SMAD4: variants seen among roughly 807,000 people sequenced by gnomAD.
The protein encoded by SMAD4 is MAD homolog 4.
A neutral mutation model predicts 63.2 loss-of-function variants in SMAD4; 7 were observed. That is an observed-to-expected ratio of 0.11 (90% CI 0.06 to 0.21). The LOEUF (loss-of-function observed/expected upper bound fraction) is 0.21, where lower values mean the gene tolerates loss of function less well. Ranked by LOEUF, SMAD4 falls within the 10% of genes least tolerant of loss-of-function variation. The pLI, the probability that SMAD4 is intolerant of heterozygous loss-of-function variation, is 1.00. For missense variants in SMAD4, 312 were observed against 693.8 expected (o/e 0.45, Z 6.18); for synonymous variants, 215 against 235.4 (o/e 0.91, Z 0.79).
chr18:51,038,286 C>T (rs563422002), intron 1 of SMAD4, among the ~76,000 whole-genome samples: 1 of 151,434 alleles, frequency 6.6e-6, no homozygotes, highest in Non-Finnish European at 1.5e-5. Flanking sequence ...TGTGTCAACA[C>T]TGGGAAGATC....
intron 1 of SMAD4, among the ~76,000 whole-genome samples, chr18:51,035,711 T>C (rs1231671745): frequency 6.6e-6 from 1 of 152,202 alleles, no homozygotes; most frequent in Admixed American, 6.5e-5. Context: ...CTAGGCCAGC[T>C]AGCTAGTACT....
rs750573971 is a variant in SMAD4 at position 51,054,743 on chromosome 18, CTT to C, written c.455-37_455-36del. On this transcript the variant is annotated intron_variant, in intron 4 of 11. Coordinates refer to ENST00000342988, the MANE Select transcript of SMAD4 (RefSeq NM_005359.6). ...AGATTTTTTTTTCTGGGAATAGAAG[CTT>C]ATAAAAATTTAAAATATGTTTAATT... 83 of 1,437,308 alleles carry C rather than the reference CTT, an allele frequency of 5.8e-5. 1 individual carries two copies. Among genetic ancestry groups the C allele is most frequent in the Non-Finnish European group, 7.3e-5 (75 of 1,032,098 alleles). 89.0% of individuals were successfully genotyped at this position (1,437,308 alleles called of 1,614,324 possible).
At chr18:51,049,620 A>G (rs1323661612) in intron 4 of SMAD4, 1 of 337,252 alleles carries the variant, frequency 3.0e-6, no homozygotes, top group African/African-American at 2.1e-5. Context: ...TTGAGTTAAG[A>G]CCTATTTTTG....
At chr18:51,069,882 A>G (rs912771127) in intron 10 of SMAD4, among the ~76,000 whole-genome samples, 7 of 152,128 alleles carry the variant, frequency 4.6e-5, no homozygotes, top group Middle Eastern at 3.4e-3. Context: ...CCCTTTGTTT[A>G]TGGTCTTGGT....
At chr18:51,040,364 C>T (rs989579147) in intron 1 of SMAD4, among the ~76,000 whole-genome samples, 8 of 150,752 alleles carry the variant, frequency 5.3e-5, no homozygotes, top group African/African-American at 1.7e-4. Context: ...GCAGAAGTGG[C>T]AGTGAGCCAA....
intron 10 of SMAD4, among the ~76,000 whole-genome samples, chr18:51,075,475 A>C (rs1910448346): frequency 6.6e-6 from 1 of 152,228 alleles, no homozygotes. Context: ...TCAGAAATTA[A>C]AGTGATTTAA....
In SMAD4 at chr18:51,036,240, C is replaced by T. The variant is rs139501134; in HGVS notation, c.-128+5617C>T. ...TATGATTTAAAACTAGGAATGCTAC[C>T]GAATATATATTTTTATAGTAAGGTA... On this transcript the variant is annotated intron_variant, in intron 1 of 11. Transcript: ENST00000342988. Among the ~76,000 whole-genome samples, 8 of 151,898 alleles carry T rather than the reference C, an allele frequency of 5.3e-5. No individual in the cohort carries two copies. In the East Asian group the frequency reaches 1.5e-3, roughly 29 times the overall value.
At chr18:51,035,493 A>G (rs1339303583) in intron 1 of SMAD4, among the ~76,000 whole-genome samples, 1 of 152,188 alleles carries the variant, frequency 6.6e-6, no homozygotes, top group Non-Finnish European at 1.5e-5. Context: ...CCTGGGCAAC[A>G]AAGTGAGACC....
At chr18:51,050,340 C>T (rs577182931) in intron 4 of SMAD4, among the ~76,000 whole-genome samples, 70 of 144,586 alleles carry the variant, frequency 4.8e-4, no homozygotes, top group African/African-American at 1.6e-3. Flanking sequence ...GCCTGGGCAA[C>T]GAGCGAAACT....
In SMAD4 at chr18:51,083,855, C is replaced by T. The variant is rs180715759; in HGVS notation, c.*5388C>T. ...GTTTGAGGGGGCTTTTTACTTATTT[C>T]CATGTTATTCAAAGGAGACTAGGCT... On this transcript the variant is annotated 3_prime_UTR_variant, in exon 12 of 12. Transcript: ENST00000342988. 18 of 231,620 alleles carry T rather than the reference C, an allele frequency of 7.8e-5. No homozygotes were observed. In the Admixed American group the frequency reaches 9.6e-4, roughly 12 times the overall value. 14.3% of individuals were successfully genotyped at this position (231,620 alleles called of 1,614,324 possible).
At chr18:51,052,935 T>G (rs1206769818) in intron 4 of SMAD4, 1 of 152,686 alleles carries the variant, frequency 6.5e-6, no homozygotes, top group African/African-American at 2.4e-5. Flanking sequence ...AAAAATATAT[T>G]GCAGACTTCT....
At position 51,046,913 on chromosome 18, in the gene SMAD4, T is replaced by C; in HGVS notation, c.-127-7T>C. Reference sequence around the variant, plus strand: ...TGATGTGTGTCTTTTTTTTTTTTCTTTTTTAGGTTATCCTGAATACATGTC... The same window carrying C: ...TGATGTGTGTCTTTTTTTTTTTTCTCTTTTAGGTTATCCTGAATACATGTC... On this transcript the variant is annotated splice_region_variant and splice_polypyrimidine_tract_variant and intron_variant, in intron 1 of 11. Coordinates refer to ENST00000342988, the MANE Select transcript of SMAD4 (RefSeq NM_005359.6). 1.4e-6 allele frequency: 1 copy of C among 736,694 alleles called. No individual in the cohort carries two copies. 45.6% of individuals were successfully genotyped at this position (736,694 alleles called of 1,614,324 possible). A position where few individuals can be genotyped will look rare whatever the true frequency, so the allele number is the denominator to read the frequency against.
rs1003596988 is a variant in SMAD4, at chr18:51,078,729, A to T, written c.*262A>T. ...CTTATTAATTCTTCACCTGTTATGT[A>T]TGAAGGAATCATTCCAGTGCTAGAA... is the stretch of plus-strand genomic sequence containing the variant. On this transcript the variant is annotated 3_prime_UTR_variant, in exon 12 of 12. Transcript: ENST00000342988. 4.3e-6 allele frequency: 2 copies of T among 460,496 alleles called. No homozygotes were observed. Among genetic ancestry groups the T allele is most frequent in the East Asian group, 6.8e-5 (2 of 29,376 alleles). The allele number at this position is 460,496 out of a possible 1,614,324, so 28.5% of individuals were successfully genotyped here.
chr18:51,080,461 A>AC lies in SMAD4; in HGVS notation c.*1994_*1995insC, dbSNP rs1223469184. 1 of 227,714 alleles carries AC rather than the reference A, an allele frequency of 4.4e-6. No individual in the cohort carries two copies. Among genetic ancestry groups the AC allele is most frequent in the East Asian group, 6.4e-5 (1 of 15,690 alleles). The allele number at this position is 227,714 out of a possible 1,614,324, so 14.1% of individuals were successfully genotyped here. A position where few individuals can be genotyped will look rare whatever the true frequency, so the allele number is the denominator to read the frequency against. ...AGGTCCATTTTACTGTGAATGAGGA[A>AC]TAGGAGTGAGTTTTAGAATAACAGA... On this transcript the variant is annotated 3_prime_UTR_variant, in exon 12 of 12. Coordinates refer to ENST00000342988, the MANE Select transcript of SMAD4 (RefSeq NM_005359.6).
intron 1 of SMAD4, among the ~76,000 whole-genome samples, chr18:51,033,283 G>A (rs1410773225): frequency 1.4e-5 from 2 of 147,766 alleles, no homozygotes; most frequent in Non-Finnish European, 3.0e-5. Flanking sequence ...CCCGCCTTCC[G>A]GGTTCAAGCG....
At chr18:51,038,269 G>GAGGA (rs980377019) in intron 1 of SMAD4, among the ~76,000 whole-genome samples, 1 of 151,216 alleles carries the variant, frequency 6.6e-6, no homozygotes, top group Non-Finnish European at 1.5e-5. Context: ...GGGGCAGTAT[G>GAGGA]AGGAAGTGTG....
intron 8 of SMAD4, among the ~76,000 whole-genome samples, chr18:51,064,323 A>G (rs893871947): frequency 6.6e-6 from 1 of 152,214 alleles, no homozygotes; most frequent in African/African-American, 2.4e-5. Flanking sequence ...GTCCCCTACC[A>G]TCCAGTCTGA....
intron 10 of SMAD4, 107 bp from the exon 11 acceptor site, chr18:51,076,531 A>C (rs1040411588): frequency 1.1e-6 from 1 of 902,708 alleles, no homozygotes; most frequent in Non-Finnish European, 1.7e-6. Flanking sequence ...AATTCTTTTC[A>C]TGTGAGAGGT....
chr18:51,037,771 G>A (rs1229840066), intron 1 of SMAD4, among the ~76,000 whole-genome samples: 1 of 152,146 alleles, frequency 6.6e-6, no homozygotes, highest in African/African-American at 2.4e-5. Flanking sequence ...TGACAGATAA[G>A]CTCAGATAGC....
Sources: gnomAD v4.1 joint callset for allele counts (sites outside exome capture counted in the v4.1 genomes callset) on GRCh38, gnomAD v4.1.1 for gene constraint, MANE v1.5 for transcripts, NCBI Gene and HGNC (gene_info 2026-07-23, HGNC 2026-07-21) for gene names.